The following C1orf21 variants were observed in gnomAD, a reference collection of about 807,000 sequenced individuals.
The protein encoded by C1orf21 is chromosome 1 open reading frame 21.
A neutral mutation model predicts 18.7 loss-of-function variants in C1orf21; 3 were observed. The ratio of observed to expected loss-of-function variants is 0.16; its 90% CI spans 0.07 to 0.42. The LOEUF (loss-of-function observed/expected upper bound fraction) is 0.42, where lower values mean the gene tolerates loss of function less well. Among genes scored for constraint, C1orf21 ranks in the 10% least tolerant of loss-of-function variants. The pLI, the probability that C1orf21 is intolerant of heterozygous loss-of-function variation, is 0.99. For synonymous variants in C1orf21, 41 were observed against 46.4 expected (o/e 0.88, Z 0.47); for missense variants, 104 against 143.6 (o/e 0.72, Z 1.41).
chr1:184,587,065 T>G (rs1327251408), intron 3 of C1orf21, among the ~76,000 whole-genome samples: 1 of 152,234 alleles, frequency 6.6e-6, no homozygotes, highest in Middle Eastern at 3.2e-3. Flanking sequence ...CTTGTTATTG[T>G]CAGGTTTGTC....
At chr1:184,448,612 G>A (rs1279984846) in intron 1 of C1orf21, among the ~76,000 whole-genome samples, 1 of 152,168 alleles carries the variant, frequency 6.6e-6, no homozygotes, top group African/African-American at 2.4e-5. Context: ...TTACCATGTG[G>A]TGGTGGACTG....
rs965522572 is a variant in C1orf21 at position 184,437,202 on chromosome 1, C to G, written c.-124-40184C>G. On this transcript the variant is annotated intron_variant, in intron 1 of 5. Transcript: ENST00000235307. ...TCTCTCTGTCTCCCTCTCGTACCCC[C>G]CTACATTTCAACAACTGTTCATTTC... 9.2e-5 allele frequency among the ~76,000 whole-genome samples: 14 copies of G among 152,198 alleles called. No homozygotes were observed. The South Asian group carries it at 1.0e-3, about 11-fold the overall frequency.
chr1:184,429,300 A>G (rs1440568156), intron 1 of C1orf21, among the ~76,000 whole-genome samples: 1 of 152,164 alleles, frequency 6.6e-6, no homozygotes, highest in Non-Finnish European at 1.5e-5. Flanking sequence ...ATAGTTCAGC[A>G]TGGAGTTCAT....
chr1:184,483,629 A>AGTTT (rs1214100423), intron 2 of C1orf21, among the ~76,000 whole-genome samples: 2 of 152,142 alleles, frequency 1.3e-5, no homozygotes, highest in African/African-American at 2.4e-5. Flanking sequence ...ACTGTAGTTT[A>AGTTT]GGCTGTGACA....
At chr1:184,519,219 T>C (rs1476906205) in intron 3 of C1orf21, among the ~76,000 whole-genome samples, 1 of 152,196 alleles carries the variant, frequency 6.6e-6, no homozygotes, top group Non-Finnish European at 1.5e-5. Flanking sequence ...ATGCTTTCCT[T>C]AGATGCAGGG....
intron 2 of C1orf21, among the ~76,000 whole-genome samples, chr1:184,497,955 C>G (rs1178656774): frequency 1.3e-5 from 2 of 152,200 alleles, no homozygotes; most frequent in Non-Finnish European, 2.9e-5. Flanking sequence ...TCATCTGTCT[C>G]TCTTCTACCT....
intron 1 of C1orf21, among the ~76,000 whole-genome samples, chr1:184,404,069 C>A (rs76235642): frequency 6.6e-6 from 1 of 152,094 alleles, no homozygotes; most frequent in African/African-American, 2.4e-5. Context: ...CTCATTTAAT[C>A]GGATAATAGC....
chr1:184,455,981 G>A (rs1223093188), intron 1 of C1orf21, among the ~76,000 whole-genome samples: 1 of 152,168 alleles, frequency 6.6e-6, no homozygotes, highest in Non-Finnish European at 1.5e-5. Context: ...GTATACAGTT[G>A]TAACTTCTGG....
At chr1:184,456,661 A>T (rs1483942664) in intron 1 of C1orf21, among the ~76,000 whole-genome samples, 5 of 152,160 alleles carry the variant, frequency 3.3e-5, no homozygotes, top group African/African-American at 1.2e-4. Context: ...GATATTTTTC[A>T]TGTTAACTTT....
intron 1 of C1orf21, among the ~76,000 whole-genome samples, chr1:184,393,121 G>T (rs1454521897): frequency 2.0e-5 from 3 of 152,014 alleles, no homozygotes; most frequent in African/African-American, 4.8e-5. Flanking sequence ...ACTGTGTCAG[G>T]CTCCCTTCTG....
intron 2 of C1orf21, among the ~76,000 whole-genome samples, chr1:184,504,725 C>G (rs992707242): frequency 6.6e-6 from 1 of 151,970 alleles, no homozygotes; most frequent in African/African-American, 2.4e-5. Flanking sequence ...TGTTTTATAC[C>G]GTGATGGATT....
At chr1:184,570,279 T>G (rs1369483024) in intron 3 of C1orf21, among the ~76,000 whole-genome samples, 2 of 152,206 alleles carry the variant, frequency 1.3e-5, no homozygotes, top group Non-Finnish European at 2.9e-5. Context: ...TTGTTTTGTT[T>G]GTTTGAATGT....
chr1:184,527,914 T>G (rs1237807038), intron 3 of C1orf21, among the ~76,000 whole-genome samples: 1 of 152,220 alleles, frequency 6.6e-6, no homozygotes, highest in Non-Finnish European at 1.5e-5. Context: ...ATTTACAGTT[T>G]TATCCCATGG....
At position 184,485,272 on chromosome 1, in the gene C1orf21, T is replaced by C. The variant is rs577539221; in HGVS notation, c.94+7669T>C. On this transcript the variant is annotated intron_variant, in intron 2 of 5. Transcript: ENST00000235307. ...GCTTTTAAGTTTCATATTAAATGAATATTTAATATGAAAAAAGAATATAAA... is the reference window on the plus strand; with the variant it reads ...GCTTTTAAGTTTCATATTAAATGAACATTTAATATGAAAAAAGAATATAAA... Among the ~76,000 whole-genome samples, 19 of 152,286 alleles carry C rather than the reference T, an allele frequency of 1.2e-4. No individual in the cohort carries two copies. The East Asian group carries it at 3.5e-3, about 28-fold the overall frequency.
intron 1 of C1orf21, among the ~76,000 whole-genome samples, chr1:184,433,199 G>A (rs984719693): frequency 3.3e-5 from 5 of 152,280 alleles, no homozygotes; most frequent in South Asian, 4.1e-4. Context: ...GTGCAGAGTG[G>A]TAGAGTCCTT....
chr1:184,512,908 A>C (rs986114447), intron 3 of C1orf21, among the ~76,000 whole-genome samples: 45 of 152,176 alleles, frequency 3.0e-4, no homozygotes, highest in African/African-American at 1.0e-3. Flanking sequence ...TCTGCTCCTC[A>C]TCGCTCACAT....
intron 3 of C1orf21, among the ~76,000 whole-genome samples, chr1:184,589,758 A>G (rs1207930225): frequency 1.3e-5 from 2 of 152,342 alleles, no homozygotes; most frequent in East Asian, 1.9e-4. Context: ...TATGTAAGTC[A>G]TTGGAGTTTC....
chr1:184,608,162 G>A lies in C1orf21; in HGVS notation c.327+9701G>A, dbSNP rs562028451. Among the ~76,000 whole-genome samples, 7 of 152,338 alleles carry A rather than the reference G, an allele frequency of 4.6e-5. No individual in the cohort carries two copies. The South Asian group carries it at 1.5e-3, about 32-fold the overall frequency. On this transcript the variant is annotated intron_variant, in intron 5 of 5. Coordinates refer to ENST00000235307, the MANE Select transcript of C1orf21 (RefSeq NM_030806.4). ...AGAAGGAGGGCAGAGGCTAGCAGGA[G>A]ATGGTACAAAATATTACTAGTTCTT...
intron 2 of C1orf21, among the ~76,000 whole-genome samples, chr1:184,484,033 C>G (rs1447621315): frequency 1.3e-5 from 2 of 152,100 alleles, no homozygotes; most frequent in African/African-American, 2.4e-5. Context: ...AAGCAATTCT[C>G]TTGCCTCAGC....
Sources: allele counts gnomAD v4.1 joint callset (sites outside exome capture counted in the v4.1 genomes callset), GRCh38; gene constraint gnomAD v4.1.1; transcripts MANE v1.5; gene names NCBI Gene and HGNC (gene_info 2026-07-23, HGNC 2026-07-21).